The following ALK variants were observed in gnomAD, a reference collection of about 807,000 sequenced individuals.
ALK encodes ALK tyrosine kinase receptor.
ALK carries 74 observed loss-of-function variants against 163.1 expected under a neutral mutation model. That is an observed-to-expected ratio of 0.45 (90% CI 0.38 to 0.55). The LOEUF is 0.55. Among genes scored for constraint, ALK ranks in the 20% least tolerant of loss-of-function variants. ALK has a pLI of 0.00. For missense variants in ALK, 2,063 were observed against 2,105.3 expected (o/e 0.98, Z 0.39); for synonymous variants, 960 against 843.2 (o/e 1.14, Z -2.40).
intron 4 of ALK, among the ~76,000 whole-genome samples, chr2:29,524,870 G>C (rs1672915596): frequency 1.3e-5 from 2 of 151,854 alleles, no homozygotes; most frequent in South Asian, 4.2e-4. Flanking sequence ...TGGATGGATG[G>C]ATGAACGGAT....
At chr2:29,272,945 C>A (rs1665431525) in intron 11 of ALK, among the ~76,000 whole-genome samples, 1 of 152,240 alleles carries the variant, frequency 6.6e-6, no homozygotes, top group Non-Finnish European at 1.5e-5. Context: ...TTTTACTCAT[C>A]CCTATAATGG....
intron 1 of ALK, among the ~76,000 whole-genome samples, chr2:29,745,868 C>A (rs1344728911): frequency 6.6e-6 from 1 of 152,130 alleles, no homozygotes; most frequent in Admixed American, 6.6e-5. Flanking sequence ...GGGAATGATC[C>A]TAGACTGTAA....
At chr2:29,886,043 C>T (rs893024173) in intron 1 of ALK, among the ~76,000 whole-genome samples, 5 of 152,178 alleles carry the variant, frequency 3.3e-5, no homozygotes, top group African/African-American at 1.2e-4. Flanking sequence ...TTTTCCTCCT[C>T]CTCCTCAGCC....
chr2:29,596,454 C>T (rs1675219046), intron 3 of ALK, among the ~76,000 whole-genome samples: 1 of 152,166 alleles, frequency 6.6e-6, no homozygotes, highest in South Asian at 2.1e-4. Flanking sequence ...TCTTTCCTTC[C>T]CTGATAGTGT....
chr2:29,569,104 C>T (rs1674280315), intron 3 of ALK, among the ~76,000 whole-genome samples: 1 of 152,132 alleles, frequency 6.6e-6, no homozygotes, highest in Non-Finnish European at 1.5e-5. Flanking sequence ...CATTGCCCCA[C>T]CAGCAAGCCC....
Position 29,564,493 on chromosome 2 carries a change from C to A in ALK, c.953-32377G>T, listed in dbSNP as rs116784039. On this transcript the variant is annotated intron_variant, in intron 3 of 28. Transcript: ENST00000389048. ...GACTCTCTTCCTAGCTATTTTGAGA[C>A]CTTGTGGCAAAACGCCATCTCCTAG... Among the ~76,000 whole-genome samples the A allele has an allele frequency of 1.2e-3, 177 of 151,470 alleles. 1 individual carries two copies. Among genetic ancestry groups the A allele is most frequent in the Admixed American group, 2.4e-3 (36 of 15,206 alleles).
chr2:29,821,938 G>A (rs1665059848), intron 1 of ALK, among the ~76,000 whole-genome samples: 1 of 152,128 alleles, frequency 6.6e-6, no homozygotes, highest in Non-Finnish European at 1.5e-5. Flanking sequence ...ACATTGTCTG[G>A]ACATTCCTTC....
At chr2:29,522,558 G>A (rs966894310) in intron 4 of ALK, among the ~76,000 whole-genome samples, 2 of 152,034 alleles carry the variant, frequency 1.3e-5, no homozygotes, top group African/African-American at 4.8e-5. Context: ...GGTCCCTGTT[G>A]ACTGTAGGGA....
At chr2:29,345,448 A>AAATAAATAAAT (rs1667920631) in intron 5 of ALK, among the ~76,000 whole-genome samples, 1 of 150,420 alleles carries the variant, frequency 6.6e-6, no homozygotes, top group Admixed American at 6.6e-5. Flanking sequence ...ATAAATAAAT[A>AAATAAATAAAT]AATAAATAAA....
chr2:29,786,436 C>G (rs1373701757), intron 1 of ALK, among the ~76,000 whole-genome samples: 1 of 152,186 alleles, frequency 6.6e-6, no homozygotes, highest in African/African-American at 2.4e-5. Flanking sequence ...TGCACTTGAA[C>G]AAATAACTTC....
chr2:29,526,137 C>T (rs1483655780), intron 4 of ALK, among the ~76,000 whole-genome samples: 1 of 152,126 alleles, frequency 6.6e-6, no homozygotes, highest in Admixed American at 6.6e-5. Context: ...GAGAGTGTCC[C>T]TTAGACAGAC....
intron 6 of ALK, among the ~76,000 whole-genome samples, chr2:29,322,311 A>G (rs778765439): frequency 1.3e-5 from 2 of 152,266 alleles, no homozygotes; most frequent in Non-Finnish European, 2.9e-5. Context: ...ATTATAAATT[A>G]AAACAGGCTG....
At chr2:29,652,003 C>T (rs1394376000) in intron 3 of ALK, among the ~76,000 whole-genome samples, 2 of 152,040 alleles carry the variant, frequency 1.3e-5, no homozygotes, top group Non-Finnish European at 1.5e-5. Context: ...GTGTTCTGCT[C>T]AGTTCTGGGA....
chr2:29,664,978 A>G, intron 3 of ALK, among the ~76,000 whole-genome samples: 1 of 151,518 alleles, frequency 6.6e-6, no homozygotes, highest in Admixed American at 6.6e-5. Context: ...AACCTGGTAA[A>G]ATACATCCTT....
chr2:29,592,079 C>T (rs144970159), intron 3 of ALK, among the ~76,000 whole-genome samples: 6 of 152,108 alleles, frequency 3.9e-5, no homozygotes, highest in African/African-American at 7.2e-5. Flanking sequence ...ACAGTGCTTC[C>T]GGAGGGGCCT....
chr2:29,631,790 C>T (rs1181048706), intron 3 of ALK, among the ~76,000 whole-genome samples: 1 of 152,232 alleles, frequency 6.6e-6, no homozygotes, highest in African/African-American at 2.4e-5. Context: ...AGGCCCCACA[C>T]CATTTAATCC....
intron 12 of ALK, among the ~76,000 whole-genome samples, chr2:29,247,489 G>A (rs1230204737): frequency 6.6e-6 from 1 of 152,246 alleles, no homozygotes; most frequent in African/African-American, 2.4e-5. Context: ...GGGGGTTCCA[G>A]GGTTGCACCC....
intron 1 of ALK, among the ~76,000 whole-genome samples, chr2:29,869,354 G>C (rs752264013): frequency 4.6e-5 from 7 of 152,188 alleles, no homozygotes; most frequent in African/African-American, 2.4e-5. Context: ...AAAGAAGATA[G>C]TTAGGCTAAG....
chr2:29,404,167 G>A (rs1286313095), intron 4 of ALK, among the ~76,000 whole-genome samples: 3 of 152,028 alleles, frequency 2.0e-5, no homozygotes, highest in African/African-American at 7.2e-5. Flanking sequence ...AGCCAGGCAT[G>A]GTGGCACATG....
Sources: allele counts gnomAD v4.1 joint callset (sites outside exome capture counted in the v4.1 genomes callset), GRCh38; gene constraint gnomAD v4.1.1; transcripts MANE v1.5; gene names NCBI Gene and HGNC (gene_info 2026-07-23, HGNC 2026-07-21).